The following ATRNL1 variants were observed in gnomAD, a reference collection of about 807,000 sequenced individuals.
ATRNL1 encodes attractin like 1.
A neutral mutation model predicts 182.7 loss-of-function variants in ATRNL1; 95 were observed. The observed-to-expected ratio is 0.52, with a 90% CI of 0.44 to 0.62. ATRNL1 has a LOEUF of 0.62. Ranked by LOEUF, ATRNL1 falls within the 20% of genes least tolerant of loss-of-function variation. ATRNL1 has a pLI of 0.00. For missense variants in ATRNL1, 1,471 were observed against 1,679.5 expected, an observed-to-expected ratio of 0.88 and a Z score of 2.17; for synonymous variants, 576 against 568.3, an observed-to-expected ratio of 1.01 and a Z score of -0.19.
intron 14 of ATRNL1, 44 bp downstream of exon 14, chr10:115,281,531 T>C: frequency 6.3e-7 from 1 of 1,575,582 alleles, no homozygotes; most frequent in Non-Finnish European, 8.6e-7. Context: ...GGTCTACAGA[T>C]AAATACTGAC....
chr10:115,271,502 G>C (rs188712648), intron 13 of ATRNL1, among the ~76,000 whole-genome samples: 4 of 151,782 alleles, frequency 2.6e-5, no homozygotes, highest in African/African-American at 9.7e-5. Context: ...ATTTGACCCA[G>C]CCATCCCGTT....
chr10:115,299,704 ATGT>A (rs1853376791), intron 15 of ATRNL1, among the ~76,000 whole-genome samples: 1 of 137,608 alleles, frequency 7.3e-6, no homozygotes, highest in East Asian at 3.6e-4. Flanking sequence ...CAATAACAAT[ATGT>A]TAAGTTTTTA....
At chr10:115,819,577 T>A (rs1210180484) in intron 27 of ATRNL1, among the ~76,000 whole-genome samples, 1 of 152,136 alleles carries the variant, frequency 6.6e-6, no homozygotes, top group African/African-American at 2.4e-5. Context: ...ATCCCTTTTT[T>A]ATTATCATTC....
intron 25 of ATRNL1, among the ~76,000 whole-genome samples, chr10:115,538,811 C>T (rs564483218): frequency 1.3e-5 from 2 of 152,186 alleles, no homozygotes; most frequent in East Asian, 1.9e-4. Context: ...CAGTTTTATA[C>T]AGTCAATGCA....
At chr10:115,797,507 C>T (rs900556079) in intron 27 of ATRNL1, among the ~76,000 whole-genome samples, 9 of 151,868 alleles carry the variant, frequency 5.9e-5, no homozygotes, top group African/African-American at 1.7e-4. Flanking sequence ...CTTCTTCTGC[C>T]AATTTTTGGA....
chr10:115,370,964 G>T (rs1298157803), intron 19 of ATRNL1, among the ~76,000 whole-genome samples: 4 of 152,114 alleles, frequency 2.6e-5, no homozygotes, highest in Admixed American at 2.6e-4. Flanking sequence ...TAGGGACTTG[G>T]TTCCCTGCAT....
At chr10:115,165,958 A>G (rs988708458) in intron 7 of ATRNL1, among the ~76,000 whole-genome samples, 1 of 152,148 alleles carries the variant, frequency 6.6e-6, no homozygotes, top group African/African-American at 2.4e-5. Context: ...TTAAGTATAG[A>G]GTTCAGTGGC....
In ATRNL1 at chr10:115,172,473, TCTC is replaced by T. The variant is rs568199511; in HGVS notation, c.1348+1184_1348+1186del. ...TGTTGTAAATATGCACTTAAGTACT[TCTC>T]CTACCTGGCCTGTCAATTTCTTGAT... On this transcript the variant is annotated intron_variant, in intron 8 of 28. Transcript: ENST00000355044. 2.8e-3 allele frequency among the ~76,000 whole-genome samples: 433 copies of T among 152,134 alleles called. 7 individuals carry two copies. Among genetic ancestry groups the T allele is most frequent in the Non-Finnish European group, 2.3e-3 (158 of 67,920 alleles).
At chr10:115,302,477 C>G (rs1343774523) in intron 17 of ATRNL1, among the ~76,000 whole-genome samples, 1 of 152,128 alleles carries the variant, frequency 6.6e-6, no homozygotes, top group African/African-American at 2.4e-5. Flanking sequence ...TTGGATTTGT[C>G]TAATTTTTCC....
At chr10:115,135,709 AG>A (rs1199229286) in intron 5 of ATRNL1, among the ~76,000 whole-genome samples, 1 of 152,210 alleles carries the variant, frequency 6.6e-6, no homozygotes, top group Non-Finnish European at 1.5e-5. Flanking sequence ...GGAACCAAAA[AG>A]AGCCTGCATT....
At chr10:115,406,380 A>G (rs1554958254) in intron 20 of ATRNL1, among the ~76,000 whole-genome samples, 1 of 152,120 alleles carries the variant, frequency 6.6e-6, no homozygotes, top group Non-Finnish European at 1.5e-5. Context: ...CTGGCTTACA[A>G]ATGCATACAT....
At position 115,426,241 on chromosome 10, in the gene ATRNL1, T is replaced by G; in HGVS notation, c.3270-9T>G. 2 of 1,611,418 alleles carry G rather than the reference T, an allele frequency of 1.2e-6. No homozygotes were observed. The highest frequency in any genetic ancestry group is 1.7e-6 in the Non-Finnish European group (2 of 1,178,280). The stretch of plus-strand genomic sequence containing the variant: ...GTTTAATAGTAAATGAGTTTTTGTG[T>G]TTCTGCAGATGTGACTCTGAAAATC... On this transcript the variant is annotated splice_polypyrimidine_tract_variant and intron_variant, in intron 20 of 28. Transcript: ENST00000355044.
chr10:115,491,912 C>T (rs527828619), intron 24 of ATRNL1, among the ~76,000 whole-genome samples: 20 of 152,294 alleles, frequency 1.3e-4, no homozygotes, highest in African/African-American at 3.8e-4. Flanking sequence ...CTGCTGGTTG[C>T]GTAGACTGTG....
intron 1 of ATRNL1, among the ~76,000 whole-genome samples, chr10:115,097,768 A>G (rs1274370903): frequency 6.6e-6 from 1 of 152,100 alleles, no homozygotes; most frequent in Non-Finnish European, 1.5e-5. Context: ...TACTAAAAAT[A>G]CAAAAATTAG....
intron 19 of ATRNL1, among the ~76,000 whole-genome samples, chr10:115,381,012 A>G (rs1231475183): frequency 6.6e-6 from 1 of 152,152 alleles, no homozygotes; most frequent in African/African-American, 2.4e-5. Context: ...CCAGCAGTTC[A>G]TGTGTGTTTC....
chr10:115,587,615 G>A (rs71472870), intron 26 of ATRNL1, among the ~76,000 whole-genome samples: 70,868 of 149,762 alleles, frequency 0.47, 18,356 homozygotes, highest in East Asian at 0.84. Context: ...GCCCGCTTCG[G>A]CTCGCGCATG....
At chr10:115,671,110 G>A (rs782169564) in intron 26 of ATRNL1, among the ~76,000 whole-genome samples, 3 of 152,110 alleles carry the variant, frequency 2.0e-5, no homozygotes, top group Admixed American at 2.0e-4. Context: ...CAGAAGGACT[G>A]TGTGGTCGTG....
At chr10:115,442,303 C>CTCTG (rs782157017) in intron 21 of ATRNL1, among the ~76,000 whole-genome samples, 157 of 123,776 alleles carry the variant, frequency 1.3e-3, no homozygotes, top group African/African-American at 4.4e-3. Flanking sequence ...CTCTCTCTCT[C>CTCTG]TGTGTGTATG....
At chr10:115,724,396 T>C (rs1376463813) in intron 26 of ATRNL1, among the ~76,000 whole-genome samples, 1 of 152,154 alleles carries the variant, frequency 6.6e-6, no homozygotes, top group Non-Finnish European at 1.5e-5. Flanking sequence ...TGGTAATTAG[T>C]GTGCCGTCTT....
Sources: gnomAD v4.1 joint callset for allele counts (sites outside exome capture counted in the v4.1 genomes callset) on GRCh38, gnomAD v4.1.1 for gene constraint, MANE v1.5 for transcripts, NCBI Gene and HGNC (gene_info 2026-07-23, HGNC 2026-07-21) for gene names.